The following WASL variants were observed in gnomAD, a reference collection of about 807,000 sequenced individuals.
WASL encodes the protein actin nucleation-promoting factor WASL.
In WASL, 20 loss-of-function variants were observed where a neutral mutation model predicts 55.5. The ratio of observed to expected loss-of-function variants is 0.36; its 90% CI spans 0.25 to 0.52. The LOEUF is 0.52. Among genes scored for constraint, WASL ranks in the 20% least tolerant of loss-of-function variants. WASL has a pLI of 0.92. For synonymous variants in WASL, 249 were observed against 217.6 expected, an observed-to-expected ratio of 1.14 and a Z score of -1.27; for missense variants, 504 against 622.5, an observed-to-expected ratio of 0.81 and a Z score of 2.03.
intron 1 of WASL, among the ~76,000 whole-genome samples, chr7:123,728,929 T>C (rs1804097744): frequency 1.3e-5 from 2 of 152,120 alleles, no homozygotes; most frequent in Non-Finnish European, 2.9e-5. Context: ...TGTGGGTGTG[T>C]GTTTGCTGAG....
chr7:123,684,297 T>G lies in WASL; in HGVS notation c.*222A>C. Reference sequence around the variant, plus strand: ...TTCACAAATCAAGTGAGCATCCTGGTGTAAACTTGCACACAATAACAGGGA... The same window carrying G: ...TTCACAAATCAAGTGAGCATCCTGGGGTAAACTTGCACACAATAACAGGGA... On this transcript the variant is annotated 3_prime_UTR_variant, in exon 11 of 11. Transcript: ENST00000223023. 4.7e-6 allele frequency: 1 copy of G among 212,612 alleles called. No homozygotes were observed. 13.2% of individuals were successfully genotyped at this position (212,612 alleles called of 1,614,324 possible).
intron 1 of WASL, among the ~76,000 whole-genome samples, chr7:123,721,358 G>T (rs575879564): frequency 3.9e-5 from 6 of 152,214 alleles, no homozygotes; most frequent in South Asian, 2.1e-4. Context: ...CGTGCAAAAG[G>T]TAGGTTACTT....
intron 4 of WASL, among the ~76,000 whole-genome samples, 199 bp from the exon 5 acceptor site, chr7:123,704,856 G>A (rs1803643370): frequency 6.6e-6 from 1 of 152,100 alleles, no homozygotes; most frequent in Non-Finnish European, 1.5e-5. Flanking sequence ...CCCAAGGAGG[G>A]TGCAACATGA....
chr7:123,748,809 T>TCACC lies in WASL; in HGVS notation c.-76_-75insGGTG. On this transcript the variant is annotated 5_prime_UTR_variant, in exon 1 of 11. Transcript: ENST00000223023. ...GGCGAGAGCTCGTTCCCCCTCTCGGTGACAGGGGCGGGGAGAAGTGGAGTC... is the reference window on the plus strand; with the variant it reads ...GGCGAGAGCTCGTTCCCCCTCTCGGTCACCGACAGGGGCGGGGAGAAGTGGAGTC... The TCACC allele has an allele frequency of 7.9e-7, 1 of 1,263,798 alleles. No homozygotes were observed. The allele number at this position is 1,263,798 out of a possible 1,614,324, so 78.3% of individuals were successfully genotyped here.
intron 1 of WASL, among the ~76,000 whole-genome samples, chr7:123,733,406 T>C (rs1462440779): frequency 2.6e-5 from 4 of 152,086 alleles, no homozygotes; most frequent in Non-Finnish European, 5.9e-5. Context: ...CAGCACCACC[T>C]ATATTAGTAC....
chr7:123,734,955 C>G (rs1381151391), intron 1 of WASL, among the ~76,000 whole-genome samples: 1 of 151,968 alleles, frequency 6.6e-6, no homozygotes, highest in East Asian at 1.9e-4. Flanking sequence ...AAATGTAAAA[C>G]TGCTCTAAAA....
chr7:123,738,413 T>C (rs1038749925), intron 1 of WASL, among the ~76,000 whole-genome samples: 2 of 152,196 alleles, frequency 1.3e-5, no homozygotes, highest in African/African-American at 4.8e-5. Context: ...GTTCCCTCTG[T>C]AATCTTGAGC....
chr7:123,743,958 A>G (rs185395340), intron 1 of WASL, among the ~76,000 whole-genome samples: 1 of 152,342 alleles, frequency 6.6e-6, no homozygotes, highest in Non-Finnish European at 1.5e-5. Flanking sequence ...TTTCCTCTAT[A>G]CTAGACAAAG....
intron 1 of WASL, among the ~76,000 whole-genome samples, chr7:123,717,380 T>C (rs753001205): frequency 5.9e-5 from 9 of 152,252 alleles, no homozygotes; most frequent in Non-Finnish European, 1.0e-4. Flanking sequence ...TGTAGCCTCA[T>C]GCCTAGGGGC....
intron 1 of WASL, among the ~76,000 whole-genome samples, chr7:123,745,320 C>T (rs914235940): frequency 3.3e-5 from 5 of 152,158 alleles, no homozygotes; most frequent in Non-Finnish European, 7.4e-5. Context: ...ACCTTCTATA[C>T]TGCCTCCACC....
chr7:123,703,054 C>T (rs967773627), intron 5 of WASL, among the ~76,000 whole-genome samples: 6 of 152,252 alleles, frequency 3.9e-5, no homozygotes, highest in Non-Finnish European at 7.4e-5. Flanking sequence ...AGGCTTATAT[C>T]AAGGAAAATT....
intron 5 of WASL, among the ~76,000 whole-genome samples, chr7:123,704,015 T>A (rs1177722568): frequency 3.2e-4 from 49 of 152,174 alleles, no homozygotes; most frequent in Non-Finnish European, 1.5e-5. Context: ...TGAGACCTTA[T>A]CTTTTACATC....
chr7:123,747,259 T>A (rs1804448640), intron 1 of WASL, among the ~76,000 whole-genome samples: 1 of 152,196 alleles, frequency 6.6e-6, no homozygotes, highest in African/African-American at 2.4e-5. Flanking sequence ...AGTTTTCTCA[T>A]TTGTTGAAAA....
rs748780787 is a variant in WASL at position 123,682,988 on chromosome 7, G to A, written c.*1531C>T. 3.3e-5 allele frequency: 5 copies of A among 151,536 alleles called. No homozygotes were observed. The highest frequency in any genetic ancestry group is 4.9e-5 in the African/African-American group (2 of 40,976). The allele number at this position is 151,536 out of a possible 1,614,324, so 9.4% of individuals were successfully genotyped here. On this transcript the variant is annotated 3_prime_UTR_variant, in exon 11 of 11. Transcript: ENST00000223023. ...TTTAAATTATTTCTTATGATAACTA[G>A]ATGCATGATCACTAGAGATTATGTA...
At chr7:123,732,967 A>T (rs188983977) in intron 1 of WASL, among the ~76,000 whole-genome samples, 1 of 152,060 alleles carries the variant, frequency 6.6e-6, no homozygotes, top group African/African-American at 2.4e-5. Flanking sequence ...GTAAAAGCAT[A>T]CTCATTCATA....
At chr7:123,741,313 T>C (rs913678291) in intron 1 of WASL, among the ~76,000 whole-genome samples, 1 of 152,362 alleles carries the variant, frequency 6.6e-6, no homozygotes, top group East Asian at 1.9e-4. Flanking sequence ...TGGTGATATA[T>C]GCTACAGAAA....
chr7:123,744,096 A>G (rs537770970), intron 1 of WASL, among the ~76,000 whole-genome samples: 1 of 152,350 alleles, frequency 6.6e-6, no homozygotes, highest in African/African-American at 2.4e-5. Flanking sequence ...GCCATCATCA[A>G]TACAATGATC....
In WASL at chr7:123,696,452, C is replaced by T. The variant is rs1339111402; in HGVS notation, c.629+127G>A. Reference sequence around the variant, plus strand: ...ACTCCAATAAAGTACATAGTTAAAACGGTATCCAAGTGATGAATGTACACA... The same window carrying T: ...ACTCCAATAAAGTACATAGTTAAAATGGTATCCAAGTGATGAATGTACACA... On this transcript the variant is annotated intron_variant, in intron 6 of 10. Coordinates refer to ENST00000223023, the MANE Select transcript of WASL (RefSeq NM_003941.4). The T allele has an allele frequency of 2.1e-5, 16 of 746,774 alleles. 1 individual carries two copies. The highest frequency in any genetic ancestry group is 4.6e-4 in the Middle Eastern group (1 of 2,186). 46.3% of individuals were successfully genotyped at this position (746,774 alleles called of 1,614,324 possible).
rs569222027 is a variant in WASL, at chr7:123,683,174, A to G, written c.*1345T>C. The G allele has an allele frequency of 5.3e-5, 8 of 152,218 alleles. No homozygotes were observed. The highest frequency in any genetic ancestry group is 5.2e-4 in the Admixed American group (8 of 15,268). The allele number at this position is 152,218 out of a possible 1,614,324, so 9.4% of individuals were successfully genotyped here. The stretch of plus-strand genomic sequence containing the variant: ...GGAACTACATTATGCATATTACTCA[A>G]TGTGAGAAAAATATGTTTGTATTTA... On this transcript the variant is annotated 3_prime_UTR_variant, in exon 11 of 11. Coordinates refer to ENST00000223023, the MANE Select transcript of WASL (RefSeq NM_003941.4).
Sources: gnomAD v4.1 joint callset for allele counts (sites outside exome capture counted in the v4.1 genomes callset) on GRCh38, gnomAD v4.1.1 for gene constraint, MANE v1.5 for transcripts, NCBI Gene and HGNC (gene_info 2026-07-23, HGNC 2026-07-21) for gene names.